The following EPHA8 variants were observed in gnomAD, a reference collection of about 807,000 sequenced individuals.
EPHA8 encodes ephrin type-A receptor 8.
In EPHA8, 58 loss-of-function variants were observed where a neutral mutation model predicts 103.6. That is an observed-to-expected ratio of 0.56 (90% CI 0.45 to 0.70). The LOEUF (loss-of-function observed/expected upper bound fraction) is 0.70, where lower values mean the gene tolerates loss of function less well. Ranked by LOEUF, EPHA8 falls within the 30% of genes least tolerant of loss-of-function variation. The probability of loss-of-function intolerance (pLI) is 0.00; values close to 1 mark genes in which losing one functional copy is unlikely to be tolerated. For missense variants in EPHA8, 1,304 were observed against 1,395.2 expected (o/e 0.93, Z 1.04); for synonymous variants, 559 against 572.5 (o/e 0.98, Z 0.34).
intron 3 of EPHA8, among the ~76,000 whole-genome samples, chr1:22,578,650 T>C (rs1640900110): frequency 6.6e-6 from 1 of 151,862 alleles, no homozygotes; most frequent in African/African-American, 2.4e-5. Flanking sequence ...TGTGTATGTG[T>C]GTGCATGTGA....
intron 3 of EPHA8, among the ~76,000 whole-genome samples, chr1:22,583,560 T>C (rs1467280393): frequency 6.6e-6 from 1 of 152,216 alleles, no homozygotes; most frequent in African/African-American, 2.4e-5. Flanking sequence ...TGTTTCCTCT[T>C]CTGTCGAACA....
In EPHA8 at chr1:22,597,658, C is replaced by G. The variant is rs539580007; in HGVS notation, c.1931-18C>G. ...CCCACTGCCCTCCCTCCACACCTGC[C>G]CCTCTCGGGGCCTGCAGGAGACTCC... On this transcript the variant is annotated intron_variant, in intron 10 of 16. Coordinates refer to ENST00000166244, the MANE Select transcript of EPHA8 (RefSeq NM_020526.5). The surrounding 1 kb of genome is among the most constrained non-coding windows in gnomAD (Gnocchi z 4.6). The G allele has an allele frequency of 1.2e-4, 195 of 1,590,944 alleles. No homozygotes were observed. In the Admixed American group the frequency reaches 2.6e-3, roughly 21 times the overall value.
intron 7 of EPHA8, among the ~76,000 whole-genome samples, chr1:22,594,700 G>A (rs1365397445): frequency 6.6e-6 from 1 of 152,230 alleles, no homozygotes; most frequent in Non-Finnish European, 1.5e-5. Flanking sequence ...TCCAGTGCTT[G>A]TAGGCCTGGC....
intron 13 of EPHA8, 51 bp downstream of exon 13, chr1:22,599,098 C>G: frequency 6.5e-7 from 1 of 1,536,636 alleles, no homozygotes; most frequent in Non-Finnish European, 8.8e-7. Context: ...GGAGATGGCG[C>G]CGGTGGCACC....
intron 2 of EPHA8, among the ~76,000 whole-genome samples, chr1:22,572,152 T>TGG (rs2124514197): frequency 2.0e-5 from 3 of 152,342 alleles, no homozygotes; most frequent in African/African-American, 7.2e-5. Flanking sequence ...TTCAGTAACT[T>TGG]GAGGACAAGG....
At position 22,576,049 on chromosome 1, in the gene EPHA8, C is replaced by T. The variant is rs1640680332; in HGVS notation, c.160-168C>T. Reference sequence around the variant, plus strand: ...ATAACACTTCCCCTGAAGATCGTGGCCCTCTTCGAGATCATGTCTGCAGGG... The same window carrying T: ...ATAACACTTCCCCTGAAGATCGTGGTCCTCTTCGAGATCATGTCTGCAGGG... On this transcript the variant is annotated intron_variant, in intron 2 of 16. Coordinates refer to ENST00000166244, the MANE Select transcript of EPHA8 (RefSeq NM_020526.5). This position sits in a 1 kb window ranked among gnomAD's most constrained non-coding sequence, Gnocchi z 4.8. Among the ~76,000 whole-genome samples the T allele has an allele frequency of 6.6e-6, 1 of 151,646 alleles. No individual in the cohort carries two copies. The highest frequency in any genetic ancestry group is 6.6e-5 in the Admixed American group (1 of 15,164).
At chr1:22,588,223 C>T (rs1641270290) in intron 4 of EPHA8, among the ~76,000 whole-genome samples, 1 of 152,236 alleles carries the variant, frequency 6.6e-6, no homozygotes, top group East Asian at 1.9e-4. Flanking sequence ...TCCCCACAGA[C>T]CCCCATGCCC....
rs1479607175 is a variant in EPHA8 at position 22,576,458 on chromosome 1, G to A, written c.401G>A (p.Gly134Glu). 4.3e-6 allele frequency: 7 copies of A among 1,613,908 alleles called. No homozygotes were observed. Among genetic ancestry groups the A allele is most frequent in the Non-Finnish European group, 5.1e-6 (6 of 1,180,042 alleles). Residue 134 changes from glycine (G) to glutamate (E), a missense_variant, in exon 3 of 17, where the codon GGG becomes GAG. Physicochemically the swap from Gly to Glu is moderately conservative, Grantham distance 98 (BLOSUM62 -2). Coordinates refer to ENST00000166244, the MANE Select transcript of EPHA8 (RefSeq NM_020526.5). This position sits in a 1 kb window ranked among gnomAD's most constrained non-coding sequence, Gnocchi z 4.8. ...LYYLESDRDLGASTQESQFLK... is the reference protein window; with the variant it reads ...LYYLESDRDLEASTQESQFLK... The stretch of plus-strand genomic sequence containing the variant: ...TACCTGGAGTCGGACCGCGACCTGG[G>A]GGCCAGCACACAAGAAAGCCAGTTC...
rs1485809035 is a variant in EPHA8 at position 22,578,191 on chromosome 1, T to TGTGTGTGCGTGCGA, written c.823+1323_823+1336dup. Among the ~76,000 whole-genome samples the TGTGTGTGCGTGCGA allele has an allele frequency of 5.2e-5, 6 of 116,296 alleles. No homozygotes were observed. In the East Asian group the frequency reaches 1.6e-3, roughly 31 times the overall value. The allele number at this position is 116,296 out of a possible 152,430, so 76.3% of individuals were successfully genotyped here. ...GTATGTGTGCATGTGTGTGCGTGCA[T>TGTGTGTGCGTGCGA]GTGTGTGCGTGCGAGTGTGTGCGTG... On this transcript the variant is annotated intron_variant, in intron 3 of 16. Transcript: ENST00000166244.
chr1:22,593,645 G>T lies in EPHA8; in HGVS notation c.1562G>T (p.Gly521Val). 2 of 1,605,976 alleles carry T rather than the reference G, an allele frequency of 1.2e-6. No individual in the cohort carries two copies. The highest frequency in any genetic ancestry group is 1.1e-5 in the South Asian group (1 of 89,830). The change falls in exon 7 of 17, where the codon GGC (glycine) becomes GTC (valine). Residue 521 changes from glycine (G) to valine (V), a missense_variant. Physicochemically the swap from Gly to Val is moderately radical, Grantham distance 109. Transcript: ENST00000166244. The part of the protein sequence containing the change: ...QVRARTSAGC[G>V]RFSQAMEVET... ...CGAGCCCGCACCTCAGCAGGCTGTG[G>T]CCGCTTCAGCCAGGCCATGGAGGTG...
chr1:22,576,237 G>A lies in EPHA8; in HGVS notation c.180G>A (p.Val60=). 6.2e-7 allele frequency: 1 copy of A among 1,610,838 alleles called. No individual in the cohort carries two copies. The highest frequency in any genetic ancestry group is 8.5e-7 in the Non-Finnish European group (1 of 1,178,062). Reference sequence around the variant, plus strand: ...CACAGTGGGACTCCATCAACGAGGTGGACGAGTCCTTCCAGCCCATCCACA... The same window carrying A: ...CACAGTGGGACTCCATCAACGAGGTAGACGAGTCCTTCCAGCCCATCCACA... ...PAHGWDSINE[V]DESFQPIHTY... The change falls in exon 3 of 17, where the codon GTG becomes GTA. Residue 60 remains valine (V), a synonymous_variant. Transcript: ENST00000166244. The surrounding 1 kb of genome is among the most constrained non-coding windows in gnomAD (Gnocchi z 4.8).
At chr1:22,592,246 T>A (rs1027925645) in intron 5 of EPHA8, among the ~76,000 whole-genome samples, 9 of 152,024 alleles carry the variant, frequency 5.9e-5, no homozygotes, top group Middle Eastern at 3.2e-3. Flanking sequence ...TCTGCCCCCA[T>A]CCCACAGCAC....
chr1:22,566,567 G>A (rs1640364793), intron 1 of EPHA8, among the ~76,000 whole-genome samples: 1 of 152,220 alleles, frequency 6.6e-6, no homozygotes, highest in Non-Finnish European at 1.5e-5. Context: ...CTGAGGCAGA[G>A]GGGTTAAGTG....
At chr1:22,588,581 G>A (rs911867353) in intron 4 of EPHA8, among the ~76,000 whole-genome samples, 2 of 149,848 alleles carry the variant, frequency 1.3e-5, no homozygotes, top group African/African-American at 4.9e-5. Context: ...CACTCTGGGT[G>A]AGCAGTGGGA....
chr1:22,580,458 G>A (rs1311031096), intron 3 of EPHA8, among the ~76,000 whole-genome samples: 1 of 152,144 alleles, frequency 6.6e-6, no homozygotes, highest in Non-Finnish European at 1.5e-5. Context: ...GTTTTCTTAA[G>A]AAATCTCATT....
Position 22,576,955 on chromosome 1 carries a change from G to C in EPHA8, c.823+75G>C. 1 of 1,481,628 alleles carries C rather than the reference G, an allele frequency of 6.7e-7. No individual in the cohort carries two copies. 91.8% of individuals were successfully genotyped at this position (1,481,628 alleles called of 1,614,324 possible). A position where few individuals can be genotyped will look rare whatever the true frequency, so the allele number is the denominator to read the frequency against. On this transcript the variant is annotated intron_variant, in intron 3 of 16. Transcript: ENST00000166244. The surrounding 1 kb of genome is among the most constrained non-coding windows in gnomAD (Gnocchi z 4.8). ...CTTGGCAGGGCTGCCAGGGTGTAAG[G>C]GGGGACGTCAGAGCCCACAGGCACC...
intron 3 of EPHA8, among the ~76,000 whole-genome samples, chr1:22,583,895 G>A (rs1296645829): frequency 6.6e-6 from 1 of 152,196 alleles, no homozygotes; most frequent in East Asian, 1.9e-4. Context: ...CTCAGGCCCC[G>A]CATCACGCCA....
Position 22,597,916 on chromosome 1 carries a change from G to A in EPHA8, c.2116+55G>A. 1.3e-6 allele frequency: 2 copies of A among 1,572,842 alleles called. No homozygotes were observed. The highest frequency in any genetic ancestry group is 1.7e-6 in the Non-Finnish European group (2 of 1,157,020). ...TGCAGTGCCCCTCCTGCCTGGAGAG[G>A]CCTCTGGGTCCATCCCCTCATCCAT... On this transcript the variant is annotated intron_variant, in intron 11 of 16. Coordinates refer to ENST00000166244, the MANE Select transcript of EPHA8 (RefSeq NM_020526.5). This position sits in a 1 kb window ranked among gnomAD's most constrained non-coding sequence, Gnocchi z 4.6.
chr1:22,579,970 T>C (rs1640996433), intron 3 of EPHA8, among the ~76,000 whole-genome samples: 1 of 151,980 alleles, frequency 6.6e-6, no homozygotes, highest in Admixed American at 6.5e-5. Flanking sequence ...GGGCATGACA[T>C]AGGCTGACAG....
Sources: gnomAD v4.1 joint callset for allele counts (sites outside exome capture counted in the v4.1 genomes callset) on GRCh38, gnomAD v4.1.1 for gene constraint, Gnocchi (gnomAD v3.1) non-coding constraint, MANE v1.5 for transcripts, NCBI Gene and HGNC (gene_info 2026-07-23, HGNC 2026-07-21) for gene names.